The following OR56A3 variants were observed in gnomAD, a reference collection of about 807,000 sequenced individuals.
OR56A3 encodes olfactory receptor 56A3.
OR56A3 carries 23 observed loss-of-function variants against 17.5 expected under a neutral mutation model. The observed-to-expected ratio is 1.32, with a 90% CI of 0.95 to 1.87. The LOEUF is 1.87. OR56A3 is among the 40% of genes most tolerant of loss of function. The probability of loss-of-function intolerance (pLI) is 0.00; values close to 1 mark genes in which losing one functional copy is unlikely to be tolerated. For missense variants in OR56A3, 366 were observed against 380.1 expected (o/e 0.96, Z 0.31); for synonymous variants, 175 against 150.6 (o/e 1.16, Z -1.19).
chr11:5,962,046 T>C, the OR56A3 span, among the ~76,000 whole-genome samples: 1 of 152,250 alleles, frequency 6.6e-6, no homozygotes, highest in Non-Finnish European at 1.5e-5. Context: ...GTAACCTTTA[T>C]TATGTTGAGG....
At chr11:6,017,799 T>C in the OR56A3 span, among the ~76,000 whole-genome samples, 2 of 152,294 alleles carry the variant, frequency 1.3e-5, no homozygotes, top group East Asian at 3.9e-4. Context: ...ATCACCCAAC[T>C]ATGGGCTTCC....
intron 2 of OR56A3, among the ~76,000 whole-genome samples, chr11:5,946,413 G>C (rs765440004): frequency 2.6e-5 from 4 of 152,166 alleles, no homozygotes; most frequent in African/African-American, 9.7e-5. Flanking sequence ...TAAATGATAA[G>C]GGAATAATGG....
At chr11:6,012,148 G>A in the OR56A3 span, among the ~76,000 whole-genome samples, 1 of 152,200 alleles carries the variant, frequency 6.6e-6, no homozygotes, top group African/African-American at 2.4e-5. Flanking sequence ...CATTCAGCAG[G>A]TCCCGAGATT....
At chr11:5,998,676 T>C in the OR56A3 span, among the ~76,000 whole-genome samples, 1 of 152,192 alleles carries the variant, frequency 6.6e-6, no homozygotes, top group Non-Finnish European at 1.5e-5. Flanking sequence ...TAGGACACTC[T>C]GGAGAAAATA....
chr11:5,964,730 T>C, the OR56A3 span, among the ~76,000 whole-genome samples: 3 of 152,238 alleles, frequency 2.0e-5, no homozygotes, highest in South Asian at 6.2e-4. Flanking sequence ...TATCTGGCAC[T>C]GAGGCAGACC....
At chr11:5,976,743 G>A in the OR56A3 span, among the ~76,000 whole-genome samples, 1 of 151,800 alleles carries the variant, frequency 6.6e-6, no homozygotes, top group Non-Finnish European at 1.5e-5. Context: ...TAGGCTCATG[G>A]AGTATACATA....
the OR56A3 span, among the ~76,000 whole-genome samples, chr11:6,014,431 G>A: frequency 6.6e-6 from 1 of 152,146 alleles, no homozygotes; most frequent in Non-Finnish European, 1.5e-5. Flanking sequence ...AAAGTATGTA[G>A]CACCTTCTCC....
At chr11:5,963,938 C>T in the OR56A3 span, among the ~76,000 whole-genome samples, 1 of 152,008 alleles carries the variant, frequency 6.6e-6, no homozygotes, top group East Asian at 1.9e-4. Context: ...CAATAACCTA[C>T]TTTTCAATAA....
chr11:5,981,512 A>G, the OR56A3 span, among the ~76,000 whole-genome samples: 2 of 152,150 alleles, frequency 1.3e-5, no homozygotes, highest in African/African-American at 4.8e-5. Context: ...GCTCTATCAA[A>G]TCAGTTTGGT....
the OR56A3 span, among the ~76,000 whole-genome samples, chr11:5,996,663 A>G: frequency 9.8e-5 from 15 of 152,350 alleles, no homozygotes; most frequent in Admixed American, 3.9e-4. Context: ...GAAAGGTAGA[A>G]TTGGAATTAG....
chr11:6,011,111 A>T, the OR56A3 span, among the ~76,000 whole-genome samples: 2 of 151,968 alleles, frequency 1.3e-5, no homozygotes, highest in Non-Finnish European at 1.5e-5. Context: ...TACAATGTCT[A>T]TCAGTCTTAT....
chr11:5,996,125 C>T, the OR56A3 span, among the ~76,000 whole-genome samples: 1 of 152,080 alleles, frequency 6.6e-6, no homozygotes, highest in East Asian at 1.9e-4. Context: ...TATTGCGGCA[C>T]TATTTGCAAT....
At chr11:6,001,321 A>C in the OR56A3 span, 1 of 152,268 alleles carries the variant, frequency 6.6e-6, no homozygotes, top group East Asian at 1.9e-4. Flanking sequence ...AACATACAGC[A>C]CTTCAAACAG....
the OR56A3 span, among the ~76,000 whole-genome samples, chr11:6,018,693 CAGAAT>C: frequency 6.6e-6 from 1 of 151,448 alleles, no homozygotes; most frequent in African/African-American, 2.4e-5. Flanking sequence ...CAATAAAAAT[CAGAAT>C]AGAACTTTAA....
the OR56A3 span, among the ~76,000 whole-genome samples, chr11:5,972,413 C>T: frequency 2.0e-5 from 3 of 152,048 alleles, no homozygotes; most frequent in Non-Finnish European, 4.4e-5. Context: ...CTCTGGTGAC[C>T]CAGGGTCTCC....
the OR56A3 span, chr11:6,021,301 T>A: frequency 1.3e-5 from 2 of 151,962 alleles, no homozygotes; most frequent in Non-Finnish European, 1.5e-5. Flanking sequence ...CAAATTACAA[T>A]TAGAAAGGAG....
At chr11:5,978,792 C>G in the OR56A3 span, among the ~76,000 whole-genome samples, 1 of 151,986 alleles carries the variant, frequency 6.6e-6, no homozygotes, top group Admixed American at 6.6e-5. Context: ...TTTTCTTGTT[C>G]CATTTGTCAA....
rs1847906071 is a variant in OR56A3, at chr11:5,951,257, G to C, written c.*2963G>C. ...ACAAGTAAGGAATATTAGCATTAGA[G>C]TAATCGACAGACATTAATACGTTAA... On this transcript the variant is annotated 3_prime_UTR_variant, in exon 3 of 3. Transcript: ENST00000641160. 6.6e-6 allele frequency: 1 copy of C among 152,028 alleles called. No homozygotes were observed. Among genetic ancestry groups the C allele is most frequent in the South Asian group, 2.1e-4 (1 of 4,820 alleles). 9.4% of individuals were successfully genotyped at this position (152,028 alleles called of 1,614,324 possible). A position where few individuals can be genotyped will look rare whatever the true frequency, so the allele number is the denominator to read the frequency against.
the OR56A3 span, chr11:5,968,350 G>A: frequency 1.2e-6 from 2 of 1,613,846 alleles, no homozygotes; most frequent in Non-Finnish European, 8.5e-7. Flanking sequence ...ATGGTGATCA[G>A]AAGGGTGGCA....
Sources: gnomAD v4.1 joint callset for allele counts (sites outside exome capture counted in the v4.1 genomes callset) on GRCh38, gnomAD v4.1.1 for gene constraint, MANE v1.5 for transcripts, NCBI Gene and HGNC (gene_info 2026-07-23, HGNC 2026-07-21) for gene names.